Variants in RAPGEFL1 observed in about 807,000 individuals in gnomAD.
RAPGEFL1 encodes rap guanine nucleotide exchange factor-like 1.
RAPGEFL1 carries 31 observed loss-of-function variants against 64.4 expected under a neutral mutation model. That is an observed-to-expected ratio of 0.48 (90% CI 0.36 to 0.65). The LOEUF (loss-of-function observed/expected upper bound fraction) is 0.65. RAPGEFL1 is among the 30% of genes least tolerant of loss of function. The probability of loss-of-function intolerance (pLI) is 0.00; values close to 1 mark genes in which losing one functional copy is unlikely to be tolerated. For missense variants in RAPGEFL1, 682 were observed against 677.4 expected (o/e 1.01, Z -0.08); for synonymous variants, 331 against 274.1 (o/e 1.21, Z -2.05).
At position 40,194,833 on chromosome 17, in the gene RAPGEFL1, G is replaced by C. The variant is rs1990408451; in HGVS notation, c.*1045G>C. On this transcript the variant is annotated 3_prime_UTR_variant, in exon 15 of 15. Transcript: ENST00000620260. ...CCTTTGTCCTCCCCATAGAGCTGGG[G>C]TGGGGTGGATCCCTATACCTGGGGC... The C allele has an allele frequency of 6.6e-6, 1 of 152,480 alleles. No homozygotes were observed. Among genetic ancestry groups the C allele is most frequent in the Admixed American group, 6.5e-5 (1 of 15,286 alleles). The allele number at this position is 152,480 out of a possible 1,614,324, so 9.4% of individuals were successfully genotyped here.
intron 5 of RAPGEFL1, 44 bp downstream of exon 5, chr17:40,189,022 AGG>A (rs1990172335): frequency 1.7e-6 from 2 of 1,199,680 alleles, no homozygotes; most frequent in Non-Finnish European, 2.3e-6. Context: ...TGAGTGGCTC[AGG>A]GGGACATATC....
chr17:40,192,191 C>T (rs1990298002), intron 10 of RAPGEFL1, 22 bp from the exon 11 acceptor site: 2 of 1,611,134 alleles, frequency 1.2e-6, no homozygotes, highest in Non-Finnish European at 1.7e-6. Context: ...GATATCCCTT[C>T]TCCTTCCTTC....
chr17:40,182,696 T>C (rs1284404307), intron 2 of RAPGEFL1, among the ~76,000 whole-genome samples: 3 of 152,238 alleles, frequency 2.0e-5, no homozygotes, highest in Non-Finnish European at 4.4e-5. Context: ...TGAGTTATGA[T>C]GGGGTCTGAT....
At chr17:40,181,166 C>T in intron 1 of RAPGEFL1, 1 of 376,018 alleles carries the variant, frequency 2.7e-6, no homozygotes. Context: ...GAACTCAAAG[C>T]TGTTAGGTGG....
rs1270233894 is a variant in RAPGEFL1, at chr17:40,195,113, G to T, written c.*1325G>T. The T allele has an allele frequency of 2.0e-5, 3 of 152,552 alleles. No homozygotes were observed. Among genetic ancestry groups the T allele is most frequent in the Middle Eastern group, 3.4e-3 (1 of 296 alleles). The allele number at this position is 152,552 out of a possible 1,614,324, so 9.4% of individuals were successfully genotyped here. A position where few individuals can be genotyped will look rare whatever the true frequency, so the allele number is the denominator to read the frequency against. On this transcript the variant is annotated 3_prime_UTR_variant, in exon 15 of 15. Coordinates refer to ENST00000620260, the MANE Select transcript of RAPGEFL1 (RefSeq NM_016339.6). ...AGCAGCTGCTGCTCCTGCTATGAGG[G>T]TGTATATATTTTTTACCCAAAGCTC...
chr17:40,183,978 G>A (rs1989980130), intron 2 of RAPGEFL1, among the ~76,000 whole-genome samples: 1 of 151,466 alleles, frequency 6.6e-6, no homozygotes, highest in African/African-American at 2.4e-5. Context: ...AGAGTAGCTG[G>A]GATTACAGGT....
In RAPGEFL1 at chr17:40,177,524, C is replaced by T; in HGVS notation, c.-338C>T. On this transcript the variant is annotated 5_prime_UTR_variant, in exon 1 of 15. Coordinates refer to ENST00000620260, the MANE Select transcript of RAPGEFL1 (RefSeq NM_016339.6). ...GCCGCCGCCGCCGCCGCCGCCGCGT[C>T]CTCTCAGCCTTGCGCTCCGCCCGCT... is the stretch of plus-strand genomic sequence containing the variant. 1.7e-6 allele frequency: 1 copy of T among 589,302 alleles called. No homozygotes were observed. Among genetic ancestry groups the T allele is most frequent in the Admixed American group, 2.9e-5 (1 of 33,948 alleles). The allele number at this position is 589,302 out of a possible 1,614,324, so 36.5% of individuals were successfully genotyped here.
intron 4 of RAPGEFL1, among the ~76,000 whole-genome samples, 173 bp downstream of exon 4, chr17:40,184,851 C>T (rs1039396356): frequency 6.6e-6 from 1 of 152,178 alleles, no homozygotes; most frequent in Non-Finnish European, 1.5e-5. Flanking sequence ...GCGATCTCGG[C>T]TCACAGCAAC....
chr17:40,190,749 G>A lies in RAPGEFL1; in HGVS notation c.1322G>A (p.Arg441Gln), dbSNP rs557476181. Reference sequence around the variant, plus strand: ...ACTGCCTTCCACTGGGAGCTGTTCCGATGTGTGCATGAGGTGGGGACCGAG... The same window carrying A: ...ACTGCCTTCCACTGGGAGCTGTTCCAATGTGTGCATGAGGTGGGGACCGAG... ...HLTAFHWELFRCVHELEFVDY... is the reference protein window; with the variant it reads ...HLTAFHWELFQCVHELEFVDY... Residue 441 changes from arginine (R) to glutamine (Q), a missense_variant, in exon 8 of 15, where the codon CGA becomes CAA. This residue lies in a region of RAPGEFL1 where 411 missense variants were observed against 519.4 expected (regional missense o/e 0.79). Transcript: ENST00000620260. 4.0e-5 allele frequency: 64 copies of A among 1,614,174 alleles called. No individual in the cohort carries two copies. The South Asian group carries it at 6.7e-4, about 17-fold the overall frequency.
At chr17:40,192,867 C>T in intron 12 of RAPGEFL1, 59 bp from the exon 13 acceptor site, 1 of 1,464,926 alleles carries the variant, frequency 6.8e-7, no homozygotes. Flanking sequence ...GGTGCAGTGG[C>T]CCCTTTCGAA....
intron 4 of RAPGEFL1, among the ~76,000 whole-genome samples, chr17:40,187,836 A>G (rs766513727): frequency 2.0e-5 from 3 of 148,118 alleles, no homozygotes; most frequent in Non-Finnish European, 3.0e-5. Context: ...GATGGTCTAG[A>G]TCTCCTGACC....
chr17:40,178,076 C>T lies in RAPGEFL1; in HGVS notation c.215C>T (p.Pro72Leu). 4 of 605,048 alleles carry T rather than the reference C, an allele frequency of 6.6e-6. No individual in the cohort carries two copies. Among genetic ancestry groups the T allele is most frequent in the African/African-American group, 2.0e-5 (1 of 51,178 alleles). The allele number at this position is 605,048 out of a possible 1,614,324, so 37.5% of individuals were successfully genotyped here. A position where few individuals can be genotyped will look rare whatever the true frequency, so the allele number is the denominator to read the frequency against. The change falls in exon 1 of 15, where the codon CCC becomes CTC. Residue 72 changes from proline (P) to leucine (L), a missense_variant. By Grantham distance (98) the Pro-to-Leu change is moderately conservative. Transcript: ENST00000620260. ...CTCCCCGCTTTCCTCCGGGAGCCCC[C>T]CGCCGAGCCGGGGCTGGAGCCGCCC... ...LLLPAFLREP[P>L]AEPGLEPPPE...
Position 40,194,852 on chromosome 17 carries a change from C to T in RAPGEFL1, c.*1064C>T, listed in dbSNP as rs1990409082. ...GCTGGGGTGGGGTGGATCCCTATACCTGGGGCAGGCAGCCCCAAAGTGGGG... is the reference window on the plus strand; with the variant it reads ...GCTGGGGTGGGGTGGATCCCTATACTTGGGGCAGGCAGCCCCAAAGTGGGG... On this transcript the variant is annotated 3_prime_UTR_variant, in exon 15 of 15. Coordinates refer to ENST00000620260, the MANE Select transcript of RAPGEFL1 (RefSeq NM_016339.6). 2 of 152,512 alleles carry T rather than the reference C, an allele frequency of 1.3e-5. No individual in the cohort carries two copies. 9.4% of individuals were successfully genotyped at this position (152,512 alleles called of 1,614,324 possible). A position where few individuals can be genotyped will look rare whatever the true frequency, so the allele number is the denominator to read the frequency against.
In RAPGEFL1 at chr17:40,189,283, T is replaced by C. The variant is rs1458713004; in HGVS notation, c.1022T>C (p.Ile341Thr). 1 of 1,614,028 alleles carries C rather than the reference T, an allele frequency of 6.2e-7. No homozygotes were observed. The highest frequency in any genetic ancestry group is 2.2e-5 in the East Asian group (1 of 44,896). Residue 341 changes from isoleucine (I) to threonine (T), a missense_variant, in exon 6 of 15, where the codon ATT becomes ACT. Ile to Thr is a moderately conservative substitution (Grantham distance 89). Transcript: ENST00000620260. ...CGCCTTTCAGCATCTGTGCAGGACA[T>C]TCTGGGCTCTGTGACGGAGAAACTT... ...RSRLSASVQD[I>T]LGSVTEKLQY... is the part of the protein sequence containing the mutation.
rs1990402283 is a variant in RAPGEFL1 at position 40,194,642 on chromosome 17, C to G, written c.*854C>G. 1 of 152,676 alleles carries G rather than the reference C, an allele frequency of 6.5e-6. No individual in the cohort carries two copies. Among genetic ancestry groups the G allele is most frequent in the East Asian group, 1.9e-4 (1 of 5,186 alleles). The allele number at this position is 152,676 out of a possible 1,614,324, so 9.5% of individuals were successfully genotyped here. ...AGCTGCCTAGAGGACCCTCCCCCTG[C>G]CTTGCAGTGGGCTCGGGTAGAGCAG... is the stretch of plus-strand genomic sequence containing the variant. On this transcript the variant is annotated 3_prime_UTR_variant, in exon 15 of 15. Transcript: ENST00000620260.
At chr17:40,189,442 G>A in intron 6 of RAPGEFL1, 67 bp downstream of exon 6, 3 of 1,548,534 alleles carry the variant, frequency 1.9e-6, no homozygotes, top group Non-Finnish European at 1.8e-6. Flanking sequence ...GGCTCTGGGG[G>A]AGGGGTAGAG....
At chr17:40,189,474 A>G (rs915268729) in intron 6 of RAPGEFL1, 99 bp downstream of exon 6, 1 of 1,339,276 alleles carries the variant, frequency 7.5e-7, no homozygotes, top group African/African-American at 1.5e-5. Context: ...GGCCCTTGCT[A>G]CTCAAAGTAT....
In RAPGEFL1 at chr17:40,190,709, G is replaced by T. The variant is rs754050078; in HGVS notation, c.1282G>T (p.Val428Phe). ...GATCCACCGAGTGGAGCCTGAGGAC[G>T]TTGCCAACCACCTAACTGCCTTCCA... ...TEIHRVEPED[V>F]ANHLTAFHWE... is the part of the protein sequence containing the mutation. The change falls in exon 8 of 15, where the codon GTT becomes TTT. Residue 428 changes from valine (V) to phenylalanine (F), a missense_variant. Physicochemically the swap from Val to Phe is conservative, Grantham distance 50 (BLOSUM62 -1). Around this residue, in one of 2 missense-constraint regions of RAPGEFL1, gnomAD observed 411 missense variants for 519.4 expected, o/e 0.79. Transcript: ENST00000620260. 6 of 1,614,176 alleles carry T rather than the reference G, an allele frequency of 3.7e-6. No individual in the cohort carries two copies. The highest frequency in any genetic ancestry group is 4.2e-6 in the Non-Finnish European group (5 of 1,180,030).
Position 40,192,694 on chromosome 17 carries a change from G to A in RAPGEFL1, c.1744+1G>A. The stretch of plus-strand genomic sequence containing the variant: ...CCCTTCGTGCCTCTGATCCTCAAAG[G>A]TGAGAGAGTTACTCCCAAGCTGTGC... On this transcript the variant is annotated splice_donor_variant, in intron 12 of 14. Transcript: ENST00000620260. LOFTEE classifies it high-confidence loss of function. 6.2e-7 allele frequency: 1 copy of A among 1,611,816 alleles called. No homozygotes were observed. Among genetic ancestry groups the A allele is most frequent in the Non-Finnish European group, 8.5e-7 (1 of 1,178,158 alleles).
Sources: gnomAD v4.1 joint callset for allele counts (sites outside exome capture counted in the v4.1 genomes callset) on GRCh38, gnomAD v4.1.1 for gene constraint, gnomAD v4.1.1 regional missense constraint, MANE v1.5 for transcripts, NCBI Gene and HGNC (gene_info 2026-07-23, HGNC 2026-07-21) for gene names.